AUTS2: variants seen among roughly 807,000 people sequenced by gnomAD.
AUTS2 encodes the protein activator of transcription and developmental regulator AUTS2, also known as autism susceptibility gene 2 protein.
A neutral mutation model predicts 112.4 loss-of-function variants in AUTS2; 17 were observed. The observed-to-expected ratio is 0.15, with a 90% CI of 0.10 to 0.23. The LOEUF is 0.23. AUTS2 is among the 10% of genes least tolerant of loss of function. AUTS2 has a pLI of 1.00. For synonymous variants in AUTS2, 751 were observed against 702.7 expected (o/e 1.07, Z -1.09); for missense variants, 1,510 against 1,701.6 (o/e 0.89, Z 1.98).
chr7:70,083,733 G>A (rs1345648113), intron 2 of AUTS2, among the ~76,000 whole-genome samples: 1 of 152,066 alleles, frequency 6.6e-6, no homozygotes, highest in African/African-American at 2.4e-5. Flanking sequence ...AATCACTTGA[G>A]CCCAGAAGTT....
At chr7:69,989,598 A>G (rs541344068) in intron 2 of AUTS2, among the ~76,000 whole-genome samples, 14 of 152,192 alleles carry the variant, frequency 9.2e-5, no homozygotes, top group Non-Finnish European at 1.3e-4. Context: ...TGATGGTTCC[A>G]TAGATTGTTT....
chr7:69,673,620 T>C (rs1333979199), intron 1 of AUTS2, among the ~76,000 whole-genome samples: 1 of 152,198 alleles, frequency 6.6e-6, no homozygotes, highest in Admixed American at 6.5e-5. Context: ...CATTAAGAAG[T>C]TGGCCCTAAA....
At chr7:70,576,509 A>G (rs542052770) in intron 5 of AUTS2, among the ~76,000 whole-genome samples, 1 of 152,306 alleles carries the variant, frequency 6.6e-6, no homozygotes, top group African/African-American at 2.4e-5. Flanking sequence ...TAGAGCTTTT[A>G]GAGTCTTGAT....
rs561307229 is a variant in AUTS2 at position 69,792,903 on chromosome 7, A to C, written c.310-106383A>C. On this transcript the variant is annotated intron_variant, in intron 1 of 18. Coordinates refer to ENST00000342771, the MANE Select transcript of AUTS2 (RefSeq NM_015570.4). ...GCACCAGGAATTTTTATATACAATA[A>C]ATTCTGAGAATCATTGCCTTAGGAC... is the stretch of plus-strand genomic sequence containing the variant. Among the ~76,000 whole-genome samples the C allele has an allele frequency of 2.6e-5, 4 of 152,224 alleles. No homozygotes were observed. The East Asian group carries it at 5.8e-4, about 22-fold the overall frequency.
intron 4 of AUTS2, among the ~76,000 whole-genome samples, chr7:70,285,695 T>G (rs1294949247): frequency 2.6e-5 from 4 of 152,238 alleles, no homozygotes; most frequent in Non-Finnish European, 5.9e-5. Context: ...TATTTGATAC[T>G]TAATATTGAT....
At chr7:70,064,319 G>T (rs1176766470) in intron 2 of AUTS2, among the ~76,000 whole-genome samples, 1 of 152,150 alleles carries the variant, frequency 6.6e-6, no homozygotes, top group Non-Finnish European at 1.5e-5. Context: ...TTGCTTTGCT[G>T]CTCACTCTTA....
At chr7:70,496,292 AC>A (rs1798497648) in intron 5 of AUTS2, among the ~76,000 whole-genome samples, 1 of 132,446 alleles carries the variant, frequency 7.6e-6, no homozygotes, top group Non-Finnish European at 1.6e-5. Context: ...TCGATCACAC[AC>A]CCCACTCACA....
intron 5 of AUTS2, among the ~76,000 whole-genome samples, chr7:70,664,796 C>T (rs906539910): frequency 1.3e-5 from 2 of 152,110 alleles, no homozygotes; most frequent in African/African-American, 4.8e-5. Context: ...TTTGGTCAGG[C>T]ACGGTGCCCC....
At chr7:70,510,072 A>G (rs1799121143) in intron 5 of AUTS2, among the ~76,000 whole-genome samples, 1 of 152,078 alleles carries the variant, frequency 6.6e-6, no homozygotes, top group Non-Finnish European at 1.5e-5. Context: ...GGTCCCCCAG[A>G]TCACTGTGGG....
chr7:69,721,186 C>G (rs1256920147), intron 1 of AUTS2, among the ~76,000 whole-genome samples: 4 of 152,198 alleles, frequency 2.6e-5, no homozygotes, highest in Non-Finnish European at 5.9e-5. Context: ...CACAATCTCT[C>G]TCTGATCTTT....
intron 4 of AUTS2, among the ~76,000 whole-genome samples, chr7:70,374,070 G>A (rs1792972604): frequency 6.6e-6 from 1 of 152,072 alleles, no homozygotes; most frequent in Non-Finnish European, 1.5e-5. Context: ...AGACAGGCAA[G>A]TTATAAATAT....
intron 4 of AUTS2, among the ~76,000 whole-genome samples, chr7:70,289,184 T>C (rs912646690): frequency 2.0e-5 from 3 of 152,234 alleles, no homozygotes; most frequent in Admixed American, 6.5e-5. Flanking sequence ...GTTTTGAAAG[T>C]ATTCATTTGA....
chr7:70,409,079 G>A (rs1356909799), intron 4 of AUTS2, among the ~76,000 whole-genome samples: 1 of 152,186 alleles, frequency 6.6e-6, no homozygotes, highest in Non-Finnish European at 1.5e-5. Context: ...GCATGCCCCT[G>A]AAGGTTTCAT....
At chr7:69,986,972 C>T (rs978075725) in intron 2 of AUTS2, among the ~76,000 whole-genome samples, 5 of 152,104 alleles carry the variant, frequency 3.3e-5, no homozygotes, top group African/African-American at 1.2e-4. Context: ...GGATTAGGTG[C>T]ATAATACCTG....
rs555995479 is a variant in AUTS2, at chr7:70,772,784, G to A, written c.1830+1140G>A. 2.6e-5 allele frequency among the ~76,000 whole-genome samples: 4 copies of A among 152,298 alleles called. No individual in the cohort carries two copies. The South Asian group carries it at 6.2e-4, about 24-fold the overall frequency. On this transcript the variant is annotated intron_variant, in intron 11 of 18. Transcript: ENST00000342771. ...TATACAGGGCTTTTATGACTGCCTC[G>A]TTAAACACCTCCTGTCTGGAGATAA...
chr7:69,783,520 C>T (rs1226184955), intron 1 of AUTS2, among the ~76,000 whole-genome samples: 1 of 151,956 alleles, frequency 6.6e-6, no homozygotes, highest in African/African-American at 2.4e-5. Context: ...TTTCCAGGCC[C>T]TTGAGTCTTT....
intron 5 of AUTS2, among the ~76,000 whole-genome samples, chr7:70,524,430 A>G (rs762816082): frequency 2.8e-4 from 42 of 152,238 alleles, no homozygotes; most frequent in Non-Finnish European, 3.8e-4. Flanking sequence ...CAGGGGCCTC[A>G]TCCACATTGA....
chr7:70,488,777 T>G (rs1268518804), intron 5 of AUTS2, among the ~76,000 whole-genome samples: 1 of 152,140 alleles, frequency 6.6e-6, no homozygotes, highest in Non-Finnish European at 1.5e-5. Flanking sequence ...CGCGTATCCC[T>G]TCAGGGAAGA....
intron 1 of AUTS2, among the ~76,000 whole-genome samples, chr7:69,812,457 T>G (rs1790584085): frequency 6.6e-6 from 1 of 152,156 alleles, no homozygotes; most frequent in African/African-American, 2.4e-5. Flanking sequence ...GCACTAGAGG[T>G]GCCAAAGATG....
Sources: gnomAD v4.1 joint callset for allele counts (sites outside exome capture counted in the v4.1 genomes callset) on GRCh38, gnomAD v4.1.1 for gene constraint, MANE v1.5 for transcripts, NCBI Gene and HGNC (gene_info 2026-07-23, HGNC 2026-07-21) for gene names.